LRRC7: variants seen among roughly 807,000 people sequenced by gnomAD.
LRRC7 encodes leucine-rich repeat-containing protein 7.
LRRC7 carries 23 observed loss-of-function variants against 175.7 expected under a neutral mutation model. The observed-to-expected ratio is 0.13, with a 90% CI of 0.09 to 0.19. The LOEUF (loss-of-function observed/expected upper bound fraction) is 0.19. Ranked by LOEUF, LRRC7 falls within the 10% of genes least tolerant of loss-of-function variation. The pLI is 1.00. For synonymous variants in LRRC7, 685 were observed against 680.9 expected, an observed-to-expected ratio of 1.01 and a Z score of -0.09; for missense variants, 1,354 against 1,904.7, an observed-to-expected ratio of 0.71 and a Z score of 5.38.
Position 69,792,138 on chromosome 1 carries a change from A to G in LRRC7, c.399A>G (p.Lys133=). 1 of 1,595,572 alleles carries G rather than the reference A, an allele frequency of 6.3e-7. No individual in the cohort carries two copies. ...CTATTGCTAGTTTAGTTAATCTTAA[A>G]GAACTCGACATCAGTAAAAATGGTA... ...PTTIASLVNL[K]ELDISKNGVQ... The change falls in exon 4 of 27, where the codon AAA becomes AAG. Residue 133 remains lysine (K), a synonymous_variant. Coordinates refer to ENST00000651989, the MANE Select transcript of LRRC7 (RefSeq NM_001370785.2).
chr1:70,135,179 T>A lies in LRRC7; in HGVS notation c.*13292T>A, dbSNP rs1465159234. ...ATCCACTATTAGCGAAGTATTTTTT[T>A]CTTTGTCTTCTATGGATAATCTTAA... On this transcript the variant is annotated 3_prime_UTR_variant, in exon 27 of 27. Transcript: ENST00000651989. 8.5e-5 allele frequency among the ~76,000 whole-genome samples: 13 copies of A among 152,206 alleles called. No homozygotes were observed.
At chr1:70,029,669 C>T (rs1020523750) in intron 18 of LRRC7, among the ~76,000 whole-genome samples, 1 of 152,112 alleles carries the variant, frequency 6.6e-6, no homozygotes, top group Admixed American at 6.6e-5. Context: ...AGCAGATACA[C>T]ACTAAATACA....
intron 2 of LRRC7, among the ~76,000 whole-genome samples, chr1:69,692,881 G>A (rs1662066100): frequency 6.6e-6 from 1 of 152,130 alleles, no homozygotes. Flanking sequence ...CCTAATATGG[G>A]CCTTCCCTAA....
chr1:69,926,646 T>C (rs1647083389), intron 7 of LRRC7, among the ~76,000 whole-genome samples: 1 of 151,694 alleles, frequency 6.6e-6, no homozygotes, highest in Non-Finnish European at 1.5e-5. Flanking sequence ...CCTTTTTTTG[T>C]TTCCATTTGT....
rs181035651 is a variant in LRRC7 at position 70,096,241 on chromosome 1, T to C, written c.4545+6422T>C. On this transcript the variant is annotated intron_variant, in intron 25 of 26. Transcript: ENST00000651989. ...ATCCGCCTGCCGCGGCCTCCCAAAG[T>C]GCTGGGATTACAGGCGTGAGCCACC... is the stretch of plus-strand genomic sequence containing the variant. Among the ~76,000 whole-genome samples, 533 of 152,346 alleles carry C rather than the reference T, an allele frequency of 3.5e-3. 7 individuals are homozygous for C. The highest frequency in any genetic ancestry group is 0.012 in the African/African-American group (514 of 41,584).
intron 1 of LRRC7, among the ~76,000 whole-genome samples, chr1:69,613,007 A>G (rs919806572): frequency 6.6e-6 from 1 of 152,024 alleles, no homozygotes; most frequent in African/African-American, 2.4e-5. Flanking sequence ...TCACTTTTTT[A>G]CATGCTACTT....
At chr1:70,068,259 G>A (rs539226671) in intron 23 of LRRC7, among the ~76,000 whole-genome samples, 4 of 152,028 alleles carry the variant, frequency 2.6e-5, no homozygotes, top group South Asian at 4.2e-4. Flanking sequence ...GTTCTTTATT[G>A]AGTAGAGGAA....
At chr1:69,575,155 C>G (rs1290403135) in intron 1 of LRRC7, among the ~76,000 whole-genome samples, 2 of 152,070 alleles carry the variant, frequency 1.3e-5, no homozygotes, top group Admixed American at 6.6e-5. Context: ...TGAGGCCCCA[C>G]TAAGTATACT....
chr1:69,703,658 T>C (rs576493032), intron 2 of LRRC7, among the ~76,000 whole-genome samples: 1 of 152,100 alleles, frequency 6.6e-6, no homozygotes, highest in Non-Finnish European at 1.5e-5. Flanking sequence ...TAGGAAACCT[T>C]CAACAGTTAC....
chr1:69,833,097 CT>C (rs1309240073), intron 5 of LRRC7, among the ~76,000 whole-genome samples: 1 of 130,994 alleles, frequency 7.6e-6, no homozygotes, highest in Non-Finnish European at 1.7e-5. Flanking sequence ...AAGAGTGAAA[CT>C]CTATTTCAAA....
chr1:69,936,861 G>T (rs1382832639), intron 8 of LRRC7, among the ~76,000 whole-genome samples: 1 of 151,998 alleles, frequency 6.6e-6, no homozygotes, highest in Non-Finnish European at 1.5e-5. Context: ...TGAGTTAATG[G>T]CCTCCAGCTG....
At chr1:69,793,501 A>G (rs1369859547) in intron 4 of LRRC7, among the ~76,000 whole-genome samples, 5 of 152,072 alleles carry the variant, frequency 3.3e-5, no homozygotes, top group Admixed American at 2.0e-4. Context: ...CTCCTCCACA[A>G]ATATCTGCAA....
At chr1:69,588,116 C>G (rs1388816284) in intron 1 of LRRC7, among the ~76,000 whole-genome samples, 1 of 152,156 alleles carries the variant, frequency 6.6e-6, no homozygotes, top group East Asian at 1.9e-4. Context: ...TGAAGGCTTT[C>G]TATACCTTCT....
chr1:69,827,613 A>C (rs775561658), intron 5 of LRRC7, among the ~76,000 whole-genome samples: 2 of 152,106 alleles, frequency 1.3e-5, no homozygotes, highest in Non-Finnish European at 1.5e-5. Context: ...ACTTAGGCCA[A>C]AGCAGGAGGA....
chr1:69,789,208 T>A (rs1274471503), intron 3 of LRRC7, among the ~76,000 whole-genome samples: 1 of 152,106 alleles, frequency 6.6e-6, no homozygotes, highest in Non-Finnish European at 1.5e-5. Flanking sequence ...AGAGTTAAAT[T>A]GCTTCCTTTA....
intron 7 of LRRC7, among the ~76,000 whole-genome samples, chr1:69,870,117 A>T (rs747483580): frequency 1.3e-5 from 2 of 152,142 alleles, no homozygotes; most frequent in Non-Finnish European, 2.9e-5. Context: ...CAGTGGGGCA[A>T]TGAATGAATG....
rs542524776 is a variant in LRRC7, at chr1:69,571,872, C to T, written c.2+3231C>T. On this transcript the variant is annotated intron_variant, in intron 1 of 26. Transcript: ENST00000651989. Reference sequence around the variant, plus strand: ...ATTCTTATTACATTTTCTTTCTTCACACAAATTATTTCATAGTTTTTTGAA... The same window carrying T: ...ATTCTTATTACATTTTCTTTCTTCATACAAATTATTTCATAGTTTTTTGAA... Among the ~76,000 whole-genome samples the T allele has an allele frequency of 5.9e-5, 9 of 152,236 alleles. No individual in the cohort carries two copies. The South Asian group carries it at 1.5e-3, about 25-fold the overall frequency.
rs1041982560 is a variant in LRRC7, at chr1:69,988,473, C to T, written c.931+2087C>T. 3.8e-4 allele frequency among the ~76,000 whole-genome samples: 58 copies of T among 152,218 alleles called. 1 individual carries two copies. The highest frequency in any genetic ancestry group is 1.4e-3 in the African/African-American group (57 of 41,540). Reference sequence around the variant, plus strand: ...TAAGAAGAATGAACATCAACCTGAACCTGTGATAGAATGGAAATCCAGCAA... The same window carrying T: ...TAAGAAGAATGAACATCAACCTGAATCTGTGATAGAATGGAAATCCAGCAA... On this transcript the variant is annotated intron_variant, in intron 10 of 26. Transcript: ENST00000651989.
At chr1:69,605,831 G>T (rs1356599385) in intron 1 of LRRC7, among the ~76,000 whole-genome samples, 3 of 151,914 alleles carry the variant, frequency 2.0e-5, no homozygotes, top group African/African-American at 4.8e-5. Context: ...TATTTATTTA[G>T]AATGAAAATC....
Sources: gnomAD v4.1 joint callset for allele counts (sites outside exome capture counted in the v4.1 genomes callset) on GRCh38, gnomAD v4.1.1 for gene constraint, MANE v1.5 for transcripts, NCBI Gene and HGNC (gene_info 2026-07-23, HGNC 2026-07-21) for gene names.